ZNF451: variants seen among roughly 807,000 people sequenced by gnomAD.
ZNF451 encodes zinc finger protein 451, also known as E3 SUMO-protein ligase ZNF451.
ZNF451 carries 80 observed loss-of-function variants against 107.1 expected under a neutral mutation model. That is an observed-to-expected ratio of 0.75 (90% CI 0.62 to 0.90). ZNF451 has a LOEUF of 0.90. Ranked by LOEUF, ZNF451 falls within the 40% of genes least tolerant of loss-of-function variation. The pLI is 0.00. For missense variants in ZNF451, 1,107 were observed against 1,236.2 expected (o/e 0.90, Z 1.57); for synonymous variants, 362 against 406.5 (o/e 0.89, Z 1.32).
intron 13 of ZNF451, among the ~76,000 whole-genome samples, chr6:57,157,991 T>A (rs1763509652): frequency 6.6e-6 from 1 of 152,242 alleles, no homozygotes; most frequent in Non-Finnish European, 1.5e-5. Context: ...TGTTTAAATA[T>A]GTTGAAAGAA....
At chr6:57,156,177 A>G (rs985200357) in intron 13 of ZNF451, among the ~76,000 whole-genome samples, 1 of 152,152 alleles carries the variant, frequency 6.6e-6, no homozygotes, top group Non-Finnish European at 1.5e-5. Context: ...TAGCCACTAC[A>G]TTTTTAATGT....
chr6:57,114,701 C>G (rs1830280524), intron 3 of ZNF451, among the ~76,000 whole-genome samples: 1 of 152,060 alleles, frequency 6.6e-6, no homozygotes, highest in Non-Finnish European at 1.5e-5. Flanking sequence ...TTTTATAAGG[C>G]AAAATTAGTG....
chr6:57,122,843 C>T lies in ZNF451; in HGVS notation c.187-1891C>T, dbSNP rs111826437. Among the ~76,000 whole-genome samples the T allele has an allele frequency of 2.2e-3, 330 of 152,256 alleles. 2 individuals are homozygous for T. Among genetic ancestry groups the T allele is most frequent in the Admixed American group, 4.1e-3 (63 of 15,286 alleles). ...TTTCTCAAAAAACTAAAAATAGAAC[C>T]GTGATTCTACCCAGCAATCCCATTA... On this transcript the variant is annotated intron_variant, in intron 3 of 14. Coordinates refer to ENST00000370706, the MANE Select transcript of ZNF451 (RefSeq NM_001031623.3).
At chr6:57,161,231 T>C in intron 14 of ZNF451, 79 bp downstream of exon 14, 3 of 780,882 alleles carry the variant, frequency 3.8e-6, no homozygotes, top group Non-Finnish European at 5.8e-6. Context: ...TCTCACCCAT[T>C]CACCCCTCTT....
intron 3 of ZNF451, chr6:57,107,184 C>T: frequency 2.0e-6 from 2 of 985,248 alleles, no homozygotes; most frequent in South Asian, 9.4e-5. Context: ...GTTAGCATAT[C>T]AGTTATTCTA....
intron 3 of ZNF451, among the ~76,000 whole-genome samples, chr6:57,119,408 T>G (rs991489233): frequency 1.3e-5 from 2 of 151,942 alleles, no homozygotes. Flanking sequence ...GCCTGCAATC[T>G]CAGCTACTCG....
intron 3 of ZNF451, chr6:57,106,611 A>AT (rs75440505): frequency 0.048 from 44,194 of 929,746 alleles, 86 homozygotes; most frequent in African/African-American, 0.069. Context: ...TGGCTGTGAA[A>AT]TTTTTTTTTT....
At chr6:57,142,151 G>A (rs1269191412) in intron 9 of ZNF451, 56 bp downstream of exon 9, 3 of 1,491,622 alleles carry the variant, frequency 2.0e-6, no homozygotes, top group Non-Finnish European at 2.7e-6. Context: ...CCAGTGAGAA[G>A]ATTCAACAAA....
At chr6:57,120,213 G>A (rs745386489) in intron 3 of ZNF451, among the ~76,000 whole-genome samples, 5 of 152,052 alleles carry the variant, frequency 3.3e-5, no homozygotes, top group Admixed American at 6.5e-5. Context: ...TAGTAATCAG[G>A]TGCTTTTAAG....
chr6:57,134,850 A>G lies in ZNF451; in HGVS notation c.682A>G (p.Arg228Gly), dbSNP rs1327161354. 1 of 1,607,032 alleles carries G rather than the reference A, an allele frequency of 6.2e-7. No individual in the cohort carries two copies. Among genetic ancestry groups the G allele is most frequent in the Non-Finnish European group, 8.5e-7 (1 of 1,175,334 alleles). ...AAAATTTGTTACTCAACAACAATAT[A>G]GAGATCACCTTTTTGATAAGGTAAG... is the stretch of plus-strand genomic sequence containing the variant. ...YKKFVTQQQYRDHLFDKEATD... is the reference protein window; with the variant it reads ...YKKFVTQQQYGDHLFDKEATD... The change falls in exon 7 of 15, where the codon AGA (arginine) becomes GGA (glycine). Residue 228 changes from arginine to glycine, a missense_variant. By Grantham distance (125) the Arg-to-Gly change is moderately radical. Around this residue, in one of 5 missense-constraint regions of ZNF451, gnomAD observed 339 missense variants for 372.8 expected, o/e 0.91. Coordinates refer to ENST00000370706, the MANE Select transcript of ZNF451 (RefSeq NM_001031623.3).
intron 3 of ZNF451, among the ~76,000 whole-genome samples, chr6:57,122,154 A>C (rs1830671002): frequency 6.6e-6 from 1 of 152,214 alleles, no homozygotes; most frequent in African/African-American, 2.4e-5. Context: ...CTATTCAATA[A>C]ATGATGCTGG....
Position 57,169,992 on chromosome 6 carries a change from C to A in ZNF451, c.*1523C>A, listed in dbSNP as rs972833342. The A allele has an allele frequency of 6.6e-6, 1 of 152,144 alleles. No individual in the cohort carries two copies. Among genetic ancestry groups the A allele is most frequent in the Non-Finnish European group, 1.5e-5 (1 of 68,030 alleles). The allele number at this position is 152,144 out of a possible 1,614,324, so 9.4% of individuals were successfully genotyped here. A position where few individuals can be genotyped will look rare whatever the true frequency, so the allele number is the denominator to read the frequency against. On this transcript the variant is annotated 3_prime_UTR_variant, in exon 15 of 15. Coordinates refer to ENST00000370706, the MANE Select transcript of ZNF451 (RefSeq NM_001031623.3). ...AGACAGCACCTTGTTGCCAGAGATT[C>A]TACACAAAGGTGTGATGGACACTGA...
intron 11 of ZNF451, chr6:57,151,743 G>A (rs1361523204): frequency 6.6e-6 from 1 of 152,670 alleles, no homozygotes; most frequent in Non-Finnish European, 1.5e-5. Flanking sequence ...TTGGTTTACA[G>A]AGAATCTGCT....
At chr6:57,168,287 G>T in intron 14 of ZNF451, 136 bp from the exon 15 acceptor site, 1 of 572,294 alleles carries the variant, frequency 1.7e-6, no homozygotes. Flanking sequence ...TAGAGAAACT[G>T]CCAAGTTATC....
chr6:57,101,939 A>G (rs1314624196), intron 3 of ZNF451: 2 of 1,550,562 alleles, frequency 1.3e-6, no homozygotes, highest in Non-Finnish European at 1.7e-6. Context: ...AAAGATCACA[A>G]ATACTATAAT....
chr6:57,161,495 C>T (rs1447574375), intron 14 of ZNF451, among the ~76,000 whole-genome samples: 3 of 151,490 alleles, frequency 2.0e-5, no homozygotes, highest in Admixed American at 1.3e-4. Flanking sequence ...TCCACCCCCG[C>T]CCCCCTCAAA....
intron 3 of ZNF451, chr6:57,109,207 C>T (rs1371348294): frequency 5.1e-6 from 5 of 985,304 alleles, no homozygotes; most frequent in Non-Finnish European, 4.8e-6. Context: ...GTTTCTGTTT[C>T]CATTCATTTT....
At chr6:57,095,326 C>CTTT (rs764972958) in intron 2 of ZNF451, among the ~76,000 whole-genome samples, 6 of 107,782 alleles carry the variant, frequency 5.6e-5, no homozygotes, top group South Asian at 3.0e-4. Flanking sequence ...TTCTGTGATA[C>CTTT]TTTTTTTTTT....
chr6:57,108,675 C>T (rs578024034), intron 3 of ZNF451: 3 of 985,318 alleles, frequency 3.0e-6, no homozygotes, highest in Admixed American at 6.1e-5. Flanking sequence ...CTTGGAACAG[C>T]TTCTATATAT....
Sources: allele counts gnomAD v4.1 joint callset (sites outside exome capture counted in the v4.1 genomes callset), GRCh38; gene constraint gnomAD v4.1.1; regional missense constraint gnomAD v4.1.1; transcripts MANE v1.5; gene names NCBI Gene and HGNC (gene_info 2026-07-23, HGNC 2026-07-21).